Variants in ADAMTS2 observed in about 807,000 individuals in gnomAD.
The protein encoded by ADAMTS2 is ADAM metallopeptidase with thrombospondin type 1 motif 2, also known as A disintegrin and metalloproteinase with thrombospondin motifs 2.
ADAMTS2 carries 50 observed loss-of-function variants against 123.0 expected under a neutral mutation model. The ratio of observed to expected loss-of-function variants is 0.41; its 90% CI spans 0.32 to 0.51. ADAMTS2 has a LOEUF of 0.51. Among genes scored for constraint, ADAMTS2 ranks in the 20% least tolerant of loss-of-function variants. ADAMTS2 has a pLI of 0.35. For synonymous variants in ADAMTS2, 678 were observed against 695.4 expected (o/e 0.98, Z 0.39); for missense variants, 1,494 against 1,705.2 (o/e 0.88, Z 2.18).
intron 3 of ADAMTS2, among the ~76,000 whole-genome samples, chr5:179,241,814 T>C (rs550278503): frequency 2.6e-5 from 4 of 152,282 alleles, no homozygotes; most frequent in Admixed American, 1.3e-4. Flanking sequence ...ATAGGCAAAA[T>C]AGTGTGTGTA....
intron 10 of ADAMTS2, among the ~76,000 whole-genome samples, chr5:179,144,271 G>A (rs1251105271): frequency 6.6e-6 from 1 of 152,158 alleles, no homozygotes; most frequent in Non-Finnish European, 1.5e-5. Flanking sequence ...ATACATCATT[G>A]AAAGAAGTTC....
At chr5:179,176,179 C>T (rs1229650177) in intron 5 of ADAMTS2, among the ~76,000 whole-genome samples, 1 of 152,172 alleles carries the variant, frequency 6.6e-6, no homozygotes, top group Non-Finnish European at 1.5e-5. Context: ...TCTTGGTTGT[C>T]CTGTTGCCCT....
chr5:179,313,196 G>A lies in ADAMTS2; in HGVS notation c.534+30571C>T, dbSNP rs573345714. 1.8e-3 allele frequency among the ~76,000 whole-genome samples: 267 copies of A among 152,204 alleles called. 1 individual carries two copies. The highest frequency in any genetic ancestry group is 6.1e-3 in the African/African-American group (254 of 41,534). ...TGGCCTGTGAAGAGGGGACGCACAC[G>A]CATTCACACTCATGCACACACACAC... is the stretch of plus-strand genomic sequence containing the variant. On this transcript the variant is annotated intron_variant, in intron 2 of 21. Coordinates refer to ENST00000251582, the MANE Select transcript of ADAMTS2 (RefSeq NM_014244.5).
chr5:179,133,513 A>G (rs1763000720), intron 13 of ADAMTS2, among the ~76,000 whole-genome samples: 1 of 150,684 alleles, frequency 6.6e-6, no homozygotes, highest in Non-Finnish European at 1.5e-5. Context: ...CAGGTGATCC[A>G]CCTGCCTTGG....
chr5:179,320,560 C>T (rs555524182), intron 2 of ADAMTS2, among the ~76,000 whole-genome samples: 9 of 151,778 alleles, frequency 5.9e-5, no homozygotes, highest in African/African-American at 1.9e-4. Flanking sequence ...CCTTGTGATC[C>T]GTCCACCTCA....
At chr5:179,135,776 TC>T in intron 13 of ADAMTS2, 132 bp downstream of exon 13, 2 of 1,363,576 alleles carry the variant, frequency 1.5e-6, no homozygotes, top group Non-Finnish European at 2.0e-6. Context: ...CCTGCCCTGG[TC>T]CGGGCATTGT....
chr5:179,280,923 C>T (rs527707252), intron 2 of ADAMTS2, among the ~76,000 whole-genome samples: 5 of 152,038 alleles, frequency 3.3e-5, no homozygotes, highest in Non-Finnish European at 7.4e-5. Flanking sequence ...AGTGGCGCAA[C>T]CTCAGCTCAC....
chr5:179,213,666 C>A (rs1043805534), intron 3 of ADAMTS2, among the ~76,000 whole-genome samples: 1 of 152,150 alleles, frequency 6.6e-6, no homozygotes, highest in Non-Finnish European at 1.5e-5. Flanking sequence ...TGAGATGGAA[C>A]AAAATCCAGC....
intron 1 of ADAMTS2, 70 bp from the exon 2 acceptor site, chr5:179,344,231 G>C (rs1172786335): frequency 1.3e-6 from 2 of 1,516,260 alleles, no homozygotes; most frequent in African/African-American, 2.8e-5. Flanking sequence ...CCGCCGGCAA[G>C]CCACGCCCCC....
At chr5:179,163,092 G>A (rs774707871) in intron 5 of ADAMTS2, among the ~76,000 whole-genome samples, 9 of 152,116 alleles carry the variant, frequency 5.9e-5, no homozygotes, top group Non-Finnish European at 1.0e-4. Context: ...ACAGAGCTGC[G>A]GGAGGAGCCA....
At chr5:179,238,357 C>T (rs1270638512) in intron 3 of ADAMTS2, among the ~76,000 whole-genome samples, 1 of 152,118 alleles carries the variant, frequency 6.6e-6, no homozygotes, top group Non-Finnish European at 1.5e-5. Flanking sequence ...GTGGGAGTCA[C>T]CGCAGCTCCC....
At chr5:179,140,207 T>A (rs1416376756) in intron 10 of ADAMTS2, among the ~76,000 whole-genome samples, 172 bp from the exon 11 acceptor site, 1 of 152,136 alleles carries the variant, frequency 6.6e-6, no homozygotes, top group Admixed American at 6.5e-5. Flanking sequence ...ACAGGCCTCA[T>A]TGGCCAGAGG....
chr5:179,191,176 C>A (rs367750486), intron 4 of ADAMTS2, among the ~76,000 whole-genome samples: 2 of 150,890 alleles, frequency 1.3e-5, no homozygotes, highest in East Asian at 3.9e-4. Flanking sequence ...TCGGCCACTG[C>A]GAGCCACTGA....
intron 2 of ADAMTS2, among the ~76,000 whole-genome samples, chr5:179,275,878 C>T (rs1487062996): frequency 6.6e-6 from 1 of 152,180 alleles, no homozygotes; most frequent in Admixed American, 6.5e-5. Context: ...GGGTGGCCGG[C>T]AAAGTGGGTG....
Position 179,197,088 on chromosome 5 carries a change from C to G in ADAMTS2, c.891+10425G>C, listed in dbSNP as rs763383605. On this transcript the variant is annotated intron_variant, in intron 4 of 21. Coordinates refer to ENST00000251582, the MANE Select transcript of ADAMTS2 (RefSeq NM_014244.5). This position sits in a 1 kb window ranked among gnomAD's most constrained non-coding sequence, Gnocchi z 4.2. ...TTACCATCCAAAAAAGGGGCCACTT[C>G]AGGGGGAGATGCCTTACATCTGTCT... 6.6e-5 allele frequency among the ~76,000 whole-genome samples: 10 copies of G among 152,218 alleles called. No individual in the cohort carries two copies. The highest frequency in any genetic ancestry group is 1.2e-4 in the Non-Finnish European group (8 of 68,024).
chr5:179,334,827 A>ATTT lies in ADAMTS2; in HGVS notation c.534+8939_534+8940insAAA, dbSNP rs1561763127. ...GGAAAGTATTCAATGAGCAATGGCA[A>ATTT]AAAGAAAAAAAATCCTTGAAATAAT... On this transcript the variant is annotated intron_variant, in intron 2 of 21. Coordinates refer to ENST00000251582, the MANE Select transcript of ADAMTS2 (RefSeq NM_014244.5). Among the ~76,000 whole-genome samples the ATTT allele has an allele frequency of 3.9e-5, 6 of 152,262 alleles. 1 individual carries two copies. The highest frequency in any genetic ancestry group is 2.6e-4 in the Admixed American group (4 of 15,286).
chr5:179,257,846 C>G (rs1365643453), intron 3 of ADAMTS2, among the ~76,000 whole-genome samples: 1 of 152,182 alleles, frequency 6.6e-6, no homozygotes, highest in Non-Finnish European at 1.5e-5. Context: ...GCTGCTCAAC[C>G]CTTACACGGC....
rs181162791 is a variant in ADAMTS2, at chr5:179,256,295, C to T, written c.688+16616G>A. 6.2e-4 allele frequency among the ~76,000 whole-genome samples: 95 copies of T among 152,176 alleles called. No individual in the cohort carries two copies. Among genetic ancestry groups the T allele is most frequent in the Middle Eastern group, 3.4e-3 (1 of 294 alleles). ...CACGGGTGCCCAACAGGAAAGAGGA[C>T]GGGGGCTTATTATAAGGAAAATAGT... On this transcript the variant is annotated intron_variant, in intron 3 of 21. Transcript: ENST00000251582. This position sits in a 1 kb window ranked among gnomAD's most constrained non-coding sequence, Gnocchi z 4.1.
At position 179,317,869 on chromosome 5, in the gene ADAMTS2, G is replaced by A. The variant is rs1757046877; in HGVS notation, c.534+25898C>T. Among the ~76,000 whole-genome samples, 1 of 152,172 alleles carries A rather than the reference G, an allele frequency of 6.6e-6. No homozygotes were observed. The highest frequency in any genetic ancestry group is 6.5e-5 in the Admixed American group (1 of 15,284). On this transcript the variant is annotated intron_variant, in intron 2 of 21. Coordinates refer to ENST00000251582, the MANE Select transcript of ADAMTS2 (RefSeq NM_014244.5). The surrounding 1 kb of genome is among the most constrained non-coding windows in gnomAD (Gnocchi z 4.9). ...TGGTCCACAGTGAGGGAGGGAGGCAGGTGTAGACTGGGCCAGGGAAAGGTT... is the reference window on the plus strand; with the variant it reads ...TGGTCCACAGTGAGGGAGGGAGGCAAGTGTAGACTGGGCCAGGGAAAGGTT...
Sources: gnomAD v4.1 joint callset for allele counts (sites outside exome capture counted in the v4.1 genomes callset) on GRCh38, gnomAD v4.1.1 for gene constraint, Gnocchi (gnomAD v3.1) non-coding constraint, MANE v1.5 for transcripts, NCBI Gene and HGNC (gene_info 2026-07-23, HGNC 2026-07-21) for gene names.